Variants in LRMDA observed in about 807,000 individuals in gnomAD.
The protein encoded by LRMDA is leucine rich melanocyte differentiation associated, also known as leucine-rich melanocyte differentiation-associated protein.
In LRMDA, 18 loss-of-function variants were observed where a neutral mutation model predicts 29.8. The observed-to-expected ratio is 0.60, with a 90% CI of 0.42 to 0.90. LRMDA has a LOEUF of 0.90. LRMDA is among the 40% of genes least tolerant of loss of function. The probability of loss-of-function intolerance (pLI) is 0.00; values close to 1 mark genes in which losing one functional copy is unlikely to be tolerated. For missense variants in LRMDA, 273 were observed against 273.9 expected (o/e 1.00, Z 0.02); for synonymous variants, 125 against 109.4 (o/e 1.14, Z -0.89).
chr10:75,693,251 A>G (rs11001470), intron 2 of LRMDA, among the ~76,000 whole-genome samples: 1 of 152,158 alleles, frequency 6.6e-6, no homozygotes, highest in Non-Finnish European at 1.5e-5. Context: ...AAAAAGTACC[A>G]CAAATAAATT....
intron 2 of LRMDA, among the ~76,000 whole-genome samples, chr10:75,927,465 T>C (rs1002138267): frequency 6.6e-6 from 1 of 152,206 alleles, no homozygotes; most frequent in African/African-American, 2.4e-5. Context: ...TCCTCACTTC[T>C]TCCTTCCAGC....
intron 2 of LRMDA, among the ~76,000 whole-genome samples, chr10:75,977,121 T>TC (rs1314096125): frequency 7.2e-6 from 1 of 138,504 alleles, no homozygotes; most frequent in African/African-American, 2.7e-5. Context: ...GTTCTTTTCT[T>TC]CCCTTTTTTT....
At chr10:75,864,616 G>A (rs1844989310) in intron 2 of LRMDA, among the ~76,000 whole-genome samples, 1 of 152,164 alleles carries the variant, frequency 6.6e-6, no homozygotes, top group Non-Finnish European at 1.5e-5. Flanking sequence ...ATCATTTAAT[G>A]GAAGCTACAC....
intron 6 of LRMDA, among the ~76,000 whole-genome samples, chr10:76,398,669 A>C (rs2132493416): frequency 6.6e-6 from 1 of 152,320 alleles, no homozygotes; most frequent in African/African-American, 2.4e-5. Flanking sequence ...TTCAATCAAC[A>C]TTGATTATGA....
intron 6 of LRMDA, among the ~76,000 whole-genome samples, chr10:76,333,802 A>G (rs2132410314): frequency 6.6e-6 from 1 of 152,298 alleles, no homozygotes; most frequent in East Asian, 1.9e-4. Flanking sequence ...AAAATAAAGG[A>G]AGGAATATGA....
intron 1 of LRMDA, among the ~76,000 whole-genome samples, chr10:75,436,108 TGTAA>T (rs1564770798): frequency 6.6e-6 from 1 of 151,850 alleles, no homozygotes; most frequent in Admixed American, 6.6e-5. Flanking sequence ...CACATGGATT[TGTAA>T]GCACTCCATG....
intron 2 of LRMDA, among the ~76,000 whole-genome samples, chr10:76,029,970 A>T (rs1055582804): frequency 6.6e-6 from 1 of 152,106 alleles, no homozygotes. Context: ...ACTGTAGCTC[A>T]CTGTAGCCTG....
At chr10:76,091,624 C>A (rs1165005947) in intron 5 of LRMDA, among the ~76,000 whole-genome samples, 1 of 152,092 alleles carries the variant, frequency 6.6e-6, no homozygotes, top group East Asian at 1.9e-4. Context: ...ACCCCAGGAT[C>A]TGCCTCCCTG....
At chr10:75,920,080 C>A (rs1846002107) in intron 2 of LRMDA, among the ~76,000 whole-genome samples, 1 of 152,168 alleles carries the variant, frequency 6.6e-6, no homozygotes, top group African/African-American at 2.4e-5. Flanking sequence ...ATGCTTGATT[C>A]TCCTGGGGGT....
intron 2 of LRMDA, among the ~76,000 whole-genome samples, chr10:75,439,412 T>C (rs1844301359): frequency 6.6e-6 from 1 of 152,194 alleles, no homozygotes; most frequent in Non-Finnish European, 1.5e-5. Context: ...CTTTCCTGCT[T>C]CTAGGCCTTG....
chr10:76,222,159 A>G (rs1851855103), intron 5 of LRMDA, among the ~76,000 whole-genome samples: 1 of 152,134 alleles, frequency 6.6e-6, no homozygotes, highest in Admixed American at 6.5e-5. Context: ...CTAAAACCAT[A>G]AAAACCCTAG....
chr10:75,801,529 T>A (rs941241795), intron 2 of LRMDA, among the ~76,000 whole-genome samples: 16 of 152,208 alleles, frequency 1.1e-4, no homozygotes, highest in Non-Finnish European at 2.1e-4. Context: ...GTTGTTTATA[T>A]TTTTCCAAGA....
At chr10:76,521,290 C>T (rs1271110019) in intron 6 of LRMDA, among the ~76,000 whole-genome samples, 3 of 152,092 alleles carry the variant, frequency 2.0e-5, no homozygotes, top group Non-Finnish European at 2.9e-5. Context: ...CCTGCCACCA[C>T]GCCCGGCTAA....
chr10:76,181,635 T>C (rs1851052313), intron 5 of LRMDA, among the ~76,000 whole-genome samples: 1 of 152,214 alleles, frequency 6.6e-6, no homozygotes, highest in South Asian at 2.1e-4. Context: ...GAGATCAGGC[T>C]AGAGGCCAGA....
Position 76,269,990 on chromosome 10 carries a change from C to G in LRMDA, c.517-54411C>G, listed in dbSNP as rs116065084. 1.6e-3 allele frequency among the ~76,000 whole-genome samples: 247 copies of G among 152,258 alleles called. 2 individuals are homozygous for G. The highest frequency in any genetic ancestry group is 5.8e-3 in the African/African-American group (239 of 41,536). ...TTAGTACATTTCTCATTCACTCAAG[C>G]CACTCACCTTTTCTCATTCACTCAA... On this transcript the variant is annotated intron_variant, in intron 5 of 6. Coordinates refer to ENST00000611255, the MANE Select transcript of LRMDA (RefSeq NM_001305581.2).
intron 2 of LRMDA, among the ~76,000 whole-genome samples, chr10:75,600,351 A>C (rs977575100): frequency 2.0e-5 from 3 of 152,214 alleles, no homozygotes; most frequent in African/African-American, 7.2e-5. Flanking sequence ...GAAGGTGGTC[A>C]GTCCATTGGC....
intron 5 of LRMDA, among the ~76,000 whole-genome samples, chr10:76,266,347 G>A (rs1840006606): frequency 6.6e-6 from 1 of 152,078 alleles, no homozygotes; most frequent in Admixed American, 6.5e-5. Context: ...CCTTTGCAAG[G>A]ACAGGATTAC....
At chr10:76,152,528 A>G (rs1371085149) in intron 5 of LRMDA, among the ~76,000 whole-genome samples, 1 of 152,140 alleles carries the variant, frequency 6.6e-6, no homozygotes, top group Non-Finnish European at 1.5e-5. Flanking sequence ...GTTTTTCAGT[A>G]TCTTGATTAT....
At chr10:76,178,951 T>A (rs1850991580) in intron 5 of LRMDA, among the ~76,000 whole-genome samples, 1 of 152,184 alleles carries the variant, frequency 6.6e-6, no homozygotes, top group Non-Finnish European at 1.5e-5. Flanking sequence ...GTGTTCACCG[T>A]GTTTGTTCAC....
Sources: allele counts gnomAD v4.1 joint callset (sites outside exome capture counted in the v4.1 genomes callset), GRCh38; gene constraint gnomAD v4.1.1; transcripts MANE v1.5; gene names NCBI Gene and HGNC (gene_info 2026-07-23, HGNC 2026-07-21).